Variants in ITGA9 observed in about 807,000 individuals in gnomAD.
The protein encoded by ITGA9 is integrin alpha-9.
A neutral mutation model predicts 127.8 loss-of-function variants in ITGA9; 56 were observed. The ratio of observed to expected loss-of-function variants is 0.44; its 90% confidence interval spans 0.35 to 0.55. ITGA9 has a LOEUF of 0.55. Ranked by LOEUF, ITGA9 falls within the 20% of genes least tolerant of loss-of-function variation. The pLI, the probability that ITGA9 is intolerant of heterozygous loss-of-function variation, is 0.00. For synonymous variants in ITGA9, 508 were observed against 514.5 expected, an observed-to-expected ratio of 0.99 and a Z score of 0.17; for missense variants, 1,196 against 1,347.1, an observed-to-expected ratio of 0.89 and a Z score of 1.76.
chr3:37,533,390 G>A lies in ITGA9; in HGVS notation c.1450G>A (p.Asp484Asn), dbSNP rs751232670. Residue 484 changes from aspartate to asparagine, a missense_variant, in exon 14 of 28, where the codon GAC becomes AAC. Coordinates refer to ENST00000264741, the MANE Select transcript of ITGA9 (RefSeq NM_002207.3). ...SINITAPQCH[D>N]GQQPVNCLNV... ...CAACATCACAGCGCCTCAGTGTCAC[G>A]ACGGACAGCAGCCTGTGAACTGCCT... The A allele has an allele frequency of 8.7e-6, 14 of 1,614,136 alleles. No homozygotes were observed. Among genetic ancestry groups the A allele is most frequent in the Admixed American group, 5.0e-5 (3 of 60,022 alleles).
At chr3:37,630,555 G>A (rs940460263) in intron 16 of ITGA9, among the ~76,000 whole-genome samples, 6 of 152,210 alleles carry the variant, frequency 3.9e-5, no homozygotes, top group Non-Finnish European at 5.9e-5. Flanking sequence ...CTGGCTGTGG[G>A]GGGGAAGGGA....
chr3:37,509,295 T>G (rs1389150698), intron 8 of ITGA9, among the ~76,000 whole-genome samples: 1 of 152,128 alleles, frequency 6.6e-6, no homozygotes, highest in African/African-American at 2.4e-5. Context: ...AATTAGAGAG[T>G]CCTGCTATTA....
intron 18 of ITGA9, among the ~76,000 whole-genome samples, chr3:37,726,609 G>T (rs1696206548): frequency 6.6e-6 from 1 of 152,218 alleles, no homozygotes; most frequent in African/African-American, 2.4e-5. Flanking sequence ...CAAGCTTCCG[G>T]GGCTGGGACA....
At chr3:37,473,136 C>CAAAAAAAA (rs36109791) in intron 2 of ITGA9, among the ~76,000 whole-genome samples, 8 of 70,768 alleles carry the variant, frequency 1.1e-4, no homozygotes, top group African/African-American at 1.8e-4. Flanking sequence ...GAGACTGTCT[C>CAAAAAAAA]AAAAAAAAAA....
At chr3:37,499,013 A>G (rs1305847029) in intron 5 of ITGA9, among the ~76,000 whole-genome samples, 1 of 152,126 alleles carries the variant, frequency 6.6e-6, no homozygotes, top group Non-Finnish European at 1.5e-5. Flanking sequence ...GGTCATAGCT[A>G]TGTTGCCCCA....
In ITGA9 at chr3:37,747,130, T is replaced by C. The variant is rs545123780; in HGVS notation, c.2433+3096T>C. On this transcript the variant is annotated intron_variant, in intron 22 of 27. Transcript: ENST00000264741. Reference sequence around the variant, plus strand: ...CTCATCTTTTTAAAAATAACACCTTTATTGAGATATGATTACATACCTTAA... The same window carrying C: ...CTCATCTTTTTAAAAATAACACCTTCATTGAGATATGATTACATACCTTAA... Among the ~76,000 whole-genome samples, 12 of 152,332 alleles carry C rather than the reference T, an allele frequency of 7.9e-5. No individual in the cohort carries two copies. The South Asian group carries it at 2.5e-3, about 32-fold the overall frequency.
intron 17 of ITGA9, among the ~76,000 whole-genome samples, chr3:37,657,647 ATTTG>A (rs1700492189): frequency 1.4e-5 from 2 of 144,448 alleles, no homozygotes; most frequent in Admixed American, 1.4e-4. Context: ...CAGCTCCTGG[ATTTG>A]TTTATTTTTT....
intron 17 of ITGA9, 55 bp downstream of exon 17, chr3:37,653,845 A>G (rs3733141): frequency 3.8e-6 from 5 of 1,325,710 alleles, no homozygotes. Flanking sequence ...TCTTGACCCC[A>G]GGTCCCAAAC....
At chr3:37,733,220 A>G (rs1232891102) in intron 19 of ITGA9, among the ~76,000 whole-genome samples, 1 of 152,032 alleles carries the variant, frequency 6.6e-6, no homozygotes, top group Non-Finnish European at 1.5e-5. Flanking sequence ...TCTGAAGAGA[A>G]CTCTCAAAAT....
rs1698199419 is a variant in ITGA9, at chr3:37,452,234, C to A, written c.-141C>A. ...CAGCCCGCCGTCCGCGCCCCGGTGG[C>A]GGGCCCGACGCCCGCATTCCGCCCG... is the stretch of plus-strand genomic sequence containing the variant. On this transcript the variant is annotated 5_prime_UTR_variant, in exon 1 of 28. Transcript: ENST00000264741. This position sits in a 1 kb window ranked among gnomAD's most constrained non-coding sequence, Gnocchi z 7.3. 3 of 283,940 alleles carry A rather than the reference C, an allele frequency of 1.1e-5. No individual in the cohort carries two copies. The highest frequency in any genetic ancestry group is 1.6e-5 in the Non-Finnish European group (3 of 189,188). 17.6% of individuals were successfully genotyped at this position (283,940 alleles called of 1,614,324 possible).
intron 18 of ITGA9, among the ~76,000 whole-genome samples, chr3:37,719,118 G>C (rs542387663): frequency 1.3e-5 from 2 of 152,222 alleles, no homozygotes; most frequent in African/African-American, 4.8e-5. Flanking sequence ...TCAGGGGAGA[G>C]AGGTGTGTGC....
At chr3:37,572,893 A>C (rs1365145776) in intron 15 of ITGA9, among the ~76,000 whole-genome samples, 4 of 152,230 alleles carry the variant, frequency 2.6e-5, no homozygotes, top group African/African-American at 9.6e-5. Context: ...GAAAAGCATG[A>C]TGGAGTCATA....
chr3:37,777,441 G>A lies in ITGA9; in HGVS notation c.2591G>A (p.Cys864Tyr). Residue 864 changes from cysteine to tyrosine, a missense_variant, in exon 24 of 28, where the codon TGC (cysteine) becomes TAC (tyrosine). Coordinates refer to ENST00000264741, the MANE Select transcript of ITGA9 (RefSeq NM_002207.3). ...TCTTTCCAGAAAAACCCAACTCCCT[G>A]CATCATCCCTCAAGAACAAGAAAAT... is the stretch of plus-strand genomic sequence containing the variant. ...NCSFQKNPTPCIIPQEQENIF... is the reference protein window; with the variant it reads ...NCSFQKNPTPYIIPQEQENIF... The A allele has an allele frequency of 6.2e-7, 1 of 1,613,982 alleles. No individual in the cohort carries two copies. Among genetic ancestry groups the A allele is most frequent in the Non-Finnish European group, 8.5e-7 (1 of 1,179,888 alleles).
intron 4 of ITGA9, among the ~76,000 whole-genome samples, chr3:37,488,386 A>G (rs1249263389): frequency 6.6e-6 from 1 of 152,052 alleles, no homozygotes; most frequent in African/African-American, 2.4e-5. Flanking sequence ...CTATATATAC[A>G]TTATTATGTG....
At chr3:37,550,250 A>G (rs957045975) in intron 15 of ITGA9, among the ~76,000 whole-genome samples, 3 of 152,218 alleles carry the variant, frequency 2.0e-5, no homozygotes, top group African/African-American at 7.2e-5. Context: ...AGTACTTATT[A>G]TATGCCAGAT....
chr3:37,766,864 G>C (rs2685103), intron 23 of ITGA9, among the ~76,000 whole-genome samples: 149,529 of 152,352 alleles, frequency 0.98, 73,438 homozygotes, highest in Middle Eastern at 1. Context: ...AGAATCTGAC[G>C]GCATCTGGAA....
At position 37,542,478 on chromosome 3, in the gene ITGA9, C is replaced by T; in HGVS notation, c.1582C>T (p.Pro528Ser). ...DVAKKEKGQM[P>S]RVYFVLLGET... is the part of the protein sequence containing the mutation. Reference sequence around the variant, plus strand: ...GGCCAAAAAGGAGAAGGGCCAGATGCCCAGGGTCTACTTTGTGCTGCTGGG... The same window carrying T: ...GGCCAAAAAGGAGAAGGGCCAGATGTCCAGGGTCTACTTTGTGCTGCTGGG... Residue 528 changes from proline (P) to serine (S), a missense_variant, in exon 15 of 28, where the codon CCC becomes TCC. By Grantham distance (74) the Pro-to-Ser change is moderately conservative (BLOSUM62 -1). Coordinates refer to ENST00000264741, the MANE Select transcript of ITGA9 (RefSeq NM_002207.3). 1 of 1,614,026 alleles carries T rather than the reference C, an allele frequency of 6.2e-7. No homozygotes were observed. The highest frequency in any genetic ancestry group is 8.5e-7 in the Non-Finnish European group (1 of 1,180,014).
At chr3:37,615,893 G>A (rs1343559082) in intron 15 of ITGA9, among the ~76,000 whole-genome samples, 1 of 151,990 alleles carries the variant, frequency 6.6e-6, no homozygotes, top group African/African-American at 2.4e-5. Context: ...TATCAATTTT[G>A]TTGATCTTTT....
intron 16 of ITGA9, among the ~76,000 whole-genome samples, chr3:37,650,296 G>A (rs1196813308): frequency 6.6e-6 from 1 of 152,110 alleles, no homozygotes; most frequent in African/African-American, 2.4e-5. Flanking sequence ...CTCTCTATGG[G>A]AGTAGTTTCA....
Sources: allele counts gnomAD v4.1 joint callset (sites outside exome capture counted in the v4.1 genomes callset), GRCh38; gene constraint gnomAD v4.1.1; non-coding constraint Gnocchi (gnomAD v3.1); transcripts MANE v1.5; gene names NCBI Gene and HGNC (gene_info 2026-07-23, HGNC 2026-07-21).